The following GALK2 variants were observed in gnomAD, a reference collection of about 807,000 sequenced individuals.
GALK2 encodes N-acetylgalactosamine kinase.
A neutral mutation model predicts 52.4 loss-of-function variants in GALK2; 36 were observed. The observed-to-expected ratio is 0.69, with a 90% confidence interval of 0.53 to 0.91. GALK2 has a LOEUF of 0.91. GALK2 is among the 40% of genes least tolerant of loss of function. The probability of loss-of-function intolerance (pLI) is 0.00; values close to 1 mark genes in which losing one functional copy is unlikely to be tolerated. For missense variants in GALK2, 579 were observed against 559.1 expected, an observed-to-expected ratio of 1.04 and a Z score of -0.36; for synonymous variants, 176 against 199.1, an observed-to-expected ratio of 0.88 and a Z score of 0.98.
intron 1 of GALK2, among the ~76,000 whole-genome samples, chr15:49,188,557 A>ATTTCT (rs1158375233): frequency 6.6e-6 from 1 of 152,204 alleles, no homozygotes; most frequent in Non-Finnish European, 1.5e-5. Flanking sequence ...CGTCTTCAGT[A>ATTTCT]TCTCTTTCCT....
chr15:49,212,268 T>A (rs2088977316), intron 2 of GALK2, among the ~76,000 whole-genome samples: 2 of 151,992 alleles, frequency 1.3e-5, no homozygotes, highest in African/African-American at 4.8e-5. Flanking sequence ...AATTTTTGTA[T>A]TTTTAGTAGA....
intron 2 of GALK2, among the ~76,000 whole-genome samples, chr15:49,212,031 C>T (rs1217173164): frequency 6.6e-6 from 1 of 152,104 alleles, no homozygotes; most frequent in African/African-American, 2.4e-5. Context: ...TCTCTGCTAT[C>T]AGTTATAATA....
rs867528286 is a variant in GALK2, at chr15:49,328,092, C to T, written c.1310C>T (p.Ala437Val). Reference protein sequence around the residue: ...AYYQRSDGSLAPEKQSLFATK... With the variant: ...AYYQRSDGSLVPEKQSLFATK... ...TACCAGAGGAGTGATGGAAGCTTAG[C>T]ACCGGAGAAGCAAAGTTTGTTTGCT... The change falls in exon 10 of 10, where the codon GCA becomes GTA. Residue 437 changes from alanine to valine, a missense_variant. Ala to Val is a moderately conservative substitution (Grantham distance 64). Transcript: ENST00000560031. The T allele has an allele frequency of 6.2e-7, 1 of 1,613,948 alleles. No homozygotes were observed. Among genetic ancestry groups the T allele is most frequent in the Non-Finnish European group, 8.5e-7 (1 of 1,179,988 alleles).
intron 1 of GALK2, among the ~76,000 whole-genome samples, chr15:49,164,091 G>A (rs2084739515): frequency 6.6e-6 from 1 of 152,146 alleles, no homozygotes; most frequent in African/African-American, 2.4e-5. Context: ...TTATAGAGAT[G>A]GAGGCAGGGT....
intron 3 of GALK2, chr15:49,366,669 G>T: frequency 4.6e-6 from 7 of 1,524,018 alleles, no homozygotes; most frequent in Non-Finnish European, 6.3e-6. Context: ...GGGGACAGCC[G>T]CCGCTGCGGC....
chr15:49,299,726 C>T (rs1045511604), intron 8 of GALK2, among the ~76,000 whole-genome samples: 9 of 57,358 alleles, frequency 1.6e-4, no homozygotes, highest in Middle Eastern at 0.01. Context: ...TTCTTTCTTT[C>T]TTTCTTTCTT....
intron 3 of GALK2, among the ~76,000 whole-genome samples, chr15:49,367,118 C>T (rs1271301310): frequency 6.6e-6 from 1 of 152,170 alleles, no homozygotes; most frequent in African/African-American, 2.4e-5. Flanking sequence ...GAAGCCCATG[C>T]CTCATAATTC....
intron 5 of GALK2, among the ~76,000 whole-genome samples, chr15:49,240,837 T>C (rs2091059351): frequency 1.6e-5 from 1 of 64,122 alleles, no homozygotes; most frequent in Admixed American, 2.3e-4. Context: ...TGGGAAACCA[T>C]TGCAGGGTTT....
At chr15:49,283,881 C>A (rs1417250261) in intron 7 of GALK2, among the ~76,000 whole-genome samples, 163 bp downstream of exon 7, 1 of 152,210 alleles carries the variant, frequency 6.6e-6, no homozygotes, top group Admixed American at 6.5e-5. Flanking sequence ...TGATTTCTAA[C>A]TCAGAAGACA....
At chr15:49,365,073 A>ATT (rs2044890490) in intron 3 of GALK2, 1 of 587,932 alleles carries the variant, frequency 1.7e-6, no homozygotes, top group Non-Finnish European at 3.1e-6. Context: ...AAAAAGTCAA[A>ATT]GTCTATTTGT....
chr15:49,294,374 C>T (rs2034259470), intron 8 of GALK2, among the ~76,000 whole-genome samples: 1 of 151,964 alleles, frequency 6.6e-6, no homozygotes, highest in African/African-American at 2.4e-5. Context: ...TTGAGTGTTT[C>T]TTGAAAATAA....
chr15:49,201,053 A>AGTGTGTGTGT (rs10629223), intron 1 of GALK2, 109 bp from the exon 2 acceptor site: 100 of 400,834 alleles, frequency 2.5e-4, no homozygotes, highest in African/African-American at 1.4e-3. Context: ...AGGCATATGG[A>AGTGTGTGTGT]GTGTGTGTGT....
intron 5 of GALK2, among the ~76,000 whole-genome samples, chr15:49,244,677 G>T (rs1251379018): frequency 6.6e-6 from 1 of 152,124 alleles, no homozygotes; most frequent in Non-Finnish European, 1.5e-5. Context: ...TGGGAACTAG[G>T]AAATGAGAAA....
chr15:49,276,923 G>GTTTTTTTTTTTTTTTTT (rs2031770468), intron 5 of GALK2, among the ~76,000 whole-genome samples: 1 of 52,038 alleles, frequency 1.9e-5, no homozygotes, highest in African/African-American at 7.1e-5. Context: ...TTTTTTTTTT[G>GTTTTTTTTTTTTTTTTT]GTTTTTGTTT....
At chr15:49,158,063 A>G (rs533367092) in intron 1 of GALK2, among the ~76,000 whole-genome samples, 25 of 152,262 alleles carry the variant, frequency 1.6e-4, no homozygotes, top group Admixed American at 6.5e-4. Context: ...TCTGTAGTTT[A>G]TGACCTAACC....
chr15:49,173,352 C>G (rs550577078), intron 1 of GALK2, among the ~76,000 whole-genome samples: 8 of 152,216 alleles, frequency 5.3e-5, no homozygotes, highest in Admixed American at 2.0e-4. Flanking sequence ...TCTTTTGGCT[C>G]TTATGAATAA....
chr15:49,254,636 G>C lies in GALK2; in HGVS notation c.504+15269G>C, dbSNP rs540552349. On this transcript the variant is annotated intron_variant, in intron 5 of 9. Transcript: ENST00000560031. ...ATTTGGTGATAAAGCAGAGAATTTGGATAAAAGAAAATTTGGTGATAAAGG... is the reference window on the plus strand; with the variant it reads ...ATTTGGTGATAAAGCAGAGAATTTGCATAAAAGAAAATTTGGTGATAAAGG... Among the ~76,000 whole-genome samples the C allele has an allele frequency of 3.6e-4, 52 of 144,080 alleles. 6 individuals carry two copies. The highest frequency in any genetic ancestry group is 3.1e-3 in the Admixed American group (44 of 14,262). The allele number at this position is 144,080 out of a possible 152,430, so 94.5% of individuals were successfully genotyped here.
At chr15:49,276,904 G>GTTTTTTTTTTTTTTTTTTTTTGTTTTT (rs34440691) in intron 5 of GALK2, among the ~76,000 whole-genome samples, 4 of 77,902 alleles carry the variant, frequency 5.1e-5, no homozygotes, top group Admixed American at 1.4e-4. Context: ...AGAATCTGAG[G>GTTTTTTTTTTTTTTTTTTTTTGTTTTT]TTTTTTTTTT....
At chr15:49,251,992 GCGGTGCCT>G (rs2091623108) in intron 5 of GALK2, among the ~76,000 whole-genome samples, 1 of 152,050 alleles carries the variant, frequency 6.6e-6, no homozygotes, top group Admixed American at 6.5e-5. Flanking sequence ...TTGGCCCGGT[GCGGTGCCT>G]CATGCCTGTA....
Sources: gnomAD v4.1 joint callset for allele counts (sites outside exome capture counted in the v4.1 genomes callset) on GRCh38, gnomAD v4.1.1 for gene constraint, MANE v1.5 for transcripts, NCBI Gene and HGNC (gene_info 2026-07-23, HGNC 2026-07-21) for gene names.